The following SEPTIN8 variants were observed in gnomAD, a reference collection of about 807,000 sequenced individuals.
SEPTIN8 encodes the protein septin-8.
Under a neutral mutation model 53.1 loss-of-function variants are expected in SEPTIN8, and 22 were observed. The observed-to-expected ratio is 0.41, with a 90% CI of 0.30 to 0.59. SEPTIN8 has a LOEUF of 0.59. Ranked by LOEUF, SEPTIN8 falls within the 20% of genes least tolerant of loss-of-function variation. The pLI is 0.24. For synonymous variants in SEPTIN8, 228 were observed against 248.4 expected (o/e 0.92, Z 0.77); for missense variants, 536 against 638.7 (o/e 0.84, Z 1.73).
chr5:132,764,913 A>G (rs6865630), intron 2 of SEPTIN8, among the ~76,000 whole-genome samples: 19,796 of 151,830 alleles, frequency 0.13, 4,185 homozygotes, highest in African/African-American at 0.45. Flanking sequence ...TTCCCGAAGG[A>G]CACCTGCAGA....
intron 1 of SEPTIN8, among the ~76,000 whole-genome samples, chr5:132,772,064 G>A (rs1191789082): frequency 2.0e-5 from 3 of 152,184 alleles, no homozygotes; most frequent in African/African-American, 7.2e-5. Flanking sequence ...CGGCAGTCAA[G>A]GTAACAGGAA....
chr5:132,754,604 G>T, intron 9 of SEPTIN8: 1 of 701,312 alleles, frequency 1.4e-6, no homozygotes, highest in Non-Finnish European at 2.7e-6. Flanking sequence ...ATAAATGATA[G>T]AACTCTTCTA....
At chr5:132,759,108 GC>G in intron 9 of SEPTIN8, 1 of 561,322 alleles carries the variant, frequency 1.8e-6, no homozygotes. Flanking sequence ...AAACACCCCT[GC>G]CCCCATTCCA....
chr5:132,763,584 G>A (rs1756224721), intron 4 of SEPTIN8, 122 bp downstream of exon 4: 1 of 857,532 alleles, frequency 1.2e-6, no homozygotes, highest in Non-Finnish European at 1.9e-6. Flanking sequence ...GCCAATGGGG[G>A]GCCACCCACA....
upstream of SEPTIN8, chr5:132,777,510 G>C: frequency 3.1e-6 from 3 of 959,464 alleles, no homozygotes; most frequent in Non-Finnish European, 3.7e-6. This position sits in a 1 kb window ranked among gnomAD's most constrained non-coding sequence, Gnocchi z 4.1. Flanking sequence ...GGGCCTCTGC[G>C]TGTCCCCTGG....
At position 132,761,132 on chromosome 5, in the gene SEPTIN8, C is replaced by T; in HGVS notation, c.1095+1G>A. 1 of 1,614,232 alleles carries T rather than the reference C, an allele frequency of 6.2e-7. No homozygotes were observed. Among genetic ancestry groups the T allele is most frequent in the Non-Finnish European group, 8.5e-7 (1 of 1,180,034 alleles). On this transcript the variant is annotated splice_donor_variant, in intron 8 of 9. Transcript: ENST00000378719. LOFTEE classifies it high-confidence loss of function. The surrounding 1 kb of genome is among the most constrained non-coding windows in gnomAD (Gnocchi z 5.8). ...ATCCCAGCCCCCAGCCTGGCACATA[C>T]CTCCCTTTCCTTCTCCTTCAGCTCC... is the stretch of plus-strand genomic sequence containing the variant.
chr5:132,770,851 G>A (rs748885442), intron 1 of SEPTIN8, among the ~76,000 whole-genome samples: 6 of 152,218 alleles, frequency 3.9e-5, no homozygotes, highest in East Asian at 1.9e-4. Context: ...AGAGGGAGTT[G>A]GCAGCTCTGA....
At chr5:132,759,069 T>A in intron 9 of SEPTIN8, 1 of 653,846 alleles carries the variant, frequency 1.5e-6, no homozygotes, top group Non-Finnish European at 2.9e-6. Flanking sequence ...GCATAACCAA[T>A]CAAAACCACT....
chr5:132,755,436 A>G (rs1458221078), intron 9 of SEPTIN8, among the ~76,000 whole-genome samples: 2 of 152,138 alleles, frequency 1.3e-5, no homozygotes, highest in Non-Finnish European at 2.9e-5. Context: ...TTGAGATGCC[A>G]AGGAGCAGGT....
rs764267064 is a variant in SEPTIN8 at position 132,761,644 on chromosome 5, G to T, written c.794-18C>A. On this transcript the variant is annotated intron_variant, in intron 6 of 9. Coordinates refer to ENST00000378719, the MANE Select transcript of SEPTIN8 (RefSeq NM_001098811.2). The surrounding 1 kb of genome is among the most constrained non-coding windows in gnomAD (Gnocchi z 5.8). ...ATTCTCCACTGAAAGCAGAGGGCCG[G>T]TGGGGTATCAGGCAGGCATGCAGGC... 1 of 1,612,544 alleles carries T rather than the reference G, an allele frequency of 6.2e-7. No homozygotes were observed. The highest frequency in any genetic ancestry group is 8.5e-7 in the Non-Finnish European group (1 of 1,179,224).
rs1300769162 is a variant in SEPTIN8 at position 132,776,880 on chromosome 5, G to C, written c.30+228C>G. 6.6e-6 allele frequency among the ~76,000 whole-genome samples: 1 copy of C among 152,090 alleles called. No homozygotes were observed. The highest frequency in any genetic ancestry group is 1.9e-4 in the East Asian group (1 of 5,180). On this transcript the variant is annotated intron_variant, in intron 1 of 9. Transcript: ENST00000378719. This position sits in a 1 kb window ranked among gnomAD's most constrained non-coding sequence, Gnocchi z 4.4. ...CGCGAAAGGGGTTAGCCTTGCCTGC[G>C]CCCCAGGAAGCGACCCCGACCAGCC...
Position 132,763,888 on chromosome 5 carries a change from T to C in SEPTIN8, c.352A>G (p.Arg118Gly). 1 of 1,564,422 alleles carries C rather than the reference T, an allele frequency of 6.4e-7. No individual in the cohort carries two copies. Among genetic ancestry groups the C allele is most frequent in the South Asian group, 1.2e-5 (1 of 81,610 alleles). Residue 118 changes from arginine to glycine, a missense_variant, in exon 4 of 10, where the codon AGG (arginine) becomes GGG (glycine). Transcript: ENST00000378719. ...GDQINKDESY[R>G]PIVDYIDAQF... is the part of the protein sequence containing the mutation. ...GCATCGATGTAGTCAACTATGGGCC[T>C]GTAACTACAGACAGCTCCATCACCC...
At position 132,750,907 on chromosome 5, in the gene SEPTIN8, C is replaced by T; in HGVS notation, c.*1109G>A. On this transcript the variant is annotated 3_prime_UTR_variant, in exon 10 of 10. Transcript: ENST00000378719. ...CAAAGCACTATGGCTCTGACTATTC[C>T]CCGAATGAGCTGCTGAGGATGGAGC... 6.2e-7 allele frequency: 1 copy of T among 1,614,248 alleles called. No homozygotes were observed. Among genetic ancestry groups the T allele is most frequent in the Non-Finnish European group, 8.5e-7 (1 of 1,180,042 alleles).
intron 9 of SEPTIN8, chr5:132,754,564 G>C (rs1320391903): frequency 1.4e-6 from 1 of 716,642 alleles, no homozygotes; most frequent in African/African-American, 1.7e-5. Flanking sequence ...TAGGACTGGG[G>C]TAAGAGACAA....
rs905021678 is a variant in SEPTIN8, at chr5:132,776,927, G to T, written c.30+181C>A. Among the ~76,000 whole-genome samples, 3 of 152,066 alleles carry T rather than the reference G, an allele frequency of 2.0e-5. No individual in the cohort carries two copies. Among genetic ancestry groups the T allele is most frequent in the African/African-American group, 7.2e-5 (3 of 41,444 alleles). ...AGCCGCCCGGCAAGGCAGGCCGCCCGACGCTCCGGGACCCCCCGATAGCGC... is the reference window on the plus strand; with the variant it reads ...AGCCGCCCGGCAAGGCAGGCCGCCCTACGCTCCGGGACCCCCCGATAGCGC... On this transcript the variant is annotated intron_variant, in intron 1 of 9. Coordinates refer to ENST00000378719, the MANE Select transcript of SEPTIN8 (RefSeq NM_001098811.2). The surrounding 1 kb of genome is among the most constrained non-coding windows in gnomAD (Gnocchi z 4.4).
chr5:132,760,721 A>C lies in SEPTIN8; in HGVS notation c.1286+81T>G. The C allele has an allele frequency of 7.5e-7, 1 of 1,333,210 alleles. No individual in the cohort carries two copies. The highest frequency in any genetic ancestry group is 1.0e-6 in the Non-Finnish European group (1 of 960,450). 82.6% of individuals were successfully genotyped at this position (1,333,210 alleles called of 1,614,324 possible). A position where few individuals can be genotyped will look rare whatever the true frequency, so the allele number is the denominator to read the frequency against. ...GTAAGAGAGGGCGAGCAGGAGAGCG[A>C]GAAGGGAGGTGAGGGACAAGAACGA... On this transcript the variant is annotated intron_variant, in intron 9 of 9. Transcript: ENST00000378719. The surrounding 1 kb of genome is among the most constrained non-coding windows in gnomAD (Gnocchi z 5.2).
chr5:132,777,281 G>A (rs1455733937), upstream of SEPTIN8: 8 of 1,107,524 alleles, frequency 7.2e-6, no homozygotes, highest in Non-Finnish European at 8.8e-6. The surrounding 1 kb of genome is among the most constrained non-coding windows in gnomAD (Gnocchi z 4.1). Flanking sequence ...CCTTGGCGGC[G>A]GCGGCGGGAG....
intron 1 of SEPTIN8, among the ~76,000 whole-genome samples, chr5:132,766,148 G>A (rs756160812): frequency 1.5e-4 from 23 of 152,180 alleles, no homozygotes; most frequent in Non-Finnish European, 1.6e-4. Context: ...TAAAGGAGCC[G>A]GCCCTCACTC....
intron 1 of SEPTIN8, among the ~76,000 whole-genome samples, chr5:132,769,982 CATATATATATATATATATATATATAT>C (rs1164726534): frequency 4.3e-4 from 24 of 55,354 alleles, no homozygotes; most frequent in Non-Finnish European, 5.2e-4. Context: ...TCTATATATA[CATATATATATATATATATATATATAT>C]ATATATATAT....
Sources: gnomAD v4.1 joint callset for allele counts (sites outside exome capture counted in the v4.1 genomes callset) on GRCh38, gnomAD v4.1.1 for gene constraint, Gnocchi (gnomAD v3.1) non-coding constraint, MANE v1.5 for transcripts, NCBI Gene and HGNC (gene_info 2026-07-23, HGNC 2026-07-21) for gene names.